Variants in GALNT14 observed in about 807,000 individuals in gnomAD.
GALNT14 encodes polypeptide N-acetylgalactosaminyltransferase 14, also known as UDP-GalNAc:polypeptide N-acetylgalactosaminyltransferase 14.
GALNT14 carries 60 observed loss-of-function variants against 77.5 expected under a neutral mutation model. The observed-to-expected ratio is 0.77, with a 90% CI of 0.63 to 0.96. The LOEUF (loss-of-function observed/expected upper bound fraction) is 0.96. Ranked by LOEUF, GALNT14 falls within the 40% of genes least tolerant of loss-of-function variation. The probability of loss-of-function intolerance (pLI) is 0.00; values close to 1 mark genes in which losing one functional copy is unlikely to be tolerated. For missense variants in GALNT14, 710 were observed against 731.0 expected, an observed-to-expected ratio of 0.97 and a Z score of 0.33; for synonymous variants, 280 against 281.7, an observed-to-expected ratio of 0.99 and a Z score of 0.06.
At chr2:30,895,013 T>C in the GALNT14 span, among the ~76,000 whole-genome samples, 3 of 152,364 alleles carry the variant, frequency 2.0e-5, no homozygotes, top group African/African-American at 7.2e-5. Context: ...ATCAGCTTCA[T>C]GACCCCACAG....
At chr2:31,043,086 C>T (rs1026074651) in intron 1 of GALNT14, among the ~76,000 whole-genome samples, 1 of 152,156 alleles carries the variant, frequency 6.6e-6, no homozygotes, top group Non-Finnish European at 1.5e-5. Context: ...ATACCTGACC[C>T]TTGCTGTTCG....
intron 1 of GALNT14, among the ~76,000 whole-genome samples, chr2:31,018,717 G>A (rs1200690614): frequency 6.6e-6 from 1 of 152,184 alleles, no homozygotes. Context: ...GGCTTCTGGG[G>A]ATGGAAGGAT....
intron 1 of GALNT14, among the ~76,000 whole-genome samples, chr2:31,109,823 A>G (rs56199183): frequency 0.029 from 4,424 of 152,306 alleles, 211 homozygotes; most frequent in African/African-American, 0.1. Flanking sequence ...GCGCCAGGAC[A>G]AGATGAGATG....
chr2:30,939,894 CCTT>C (rs1336424505), intron 9 of GALNT14, among the ~76,000 whole-genome samples: 1 of 152,060 alleles, frequency 6.6e-6, no homozygotes, highest in African/African-American at 2.4e-5. Flanking sequence ...TCAAATTCCT[CCTT>C]CACGCACTCA....
intron 9 of GALNT14, among the ~76,000 whole-genome samples, chr2:30,936,276 G>A (rs1558420640): frequency 6.6e-6 from 1 of 151,906 alleles, no homozygotes; most frequent in Non-Finnish European, 1.5e-5. Context: ...CTTCTACCTG[G>A]CAAGCCCATG....
chr2:31,007,007 G>A (rs1195443206), intron 1 of GALNT14, among the ~76,000 whole-genome samples: 2 of 152,184 alleles, frequency 1.3e-5, no homozygotes, highest in Non-Finnish European at 2.9e-5. Flanking sequence ...TCAAAACTAG[G>A]TCAGCTGCTG....
intron 1 of GALNT14, among the ~76,000 whole-genome samples, chr2:31,063,831 G>A (rs1187209494): frequency 2.6e-5 from 4 of 152,066 alleles, no homozygotes; most frequent in Admixed American, 2.6e-4. Context: ...TTCTGAATGG[G>A]AGTTCACTCA....
intron 1 of GALNT14, among the ~76,000 whole-genome samples, chr2:31,063,339 T>C (rs765995447): frequency 6.6e-6 from 1 of 152,206 alleles, no homozygotes; most frequent in Non-Finnish European, 1.5e-5. Context: ...TTGCTTGTTT[T>C]TGTCAGGTTT....
At chr2:30,908,401 T>C, downstream of GALNT14, among the ~76,000 whole-genome samples, 1 of 147,476 alleles carries the variant, frequency 6.8e-6, no homozygotes, top group Non-Finnish European at 1.5e-5. Flanking sequence ...ACAAGCATTC[T>C]TATACACCAA....
Position 30,945,851 on chromosome 2 carries a change from C to T in GALNT14, c.674G>A (p.Cys225Tyr). The change falls in exon 7 of 15, where the codon TGC becomes TAC. Residue 225 changes from cysteine (C) to tyrosine (Y), a missense_variant. Physicochemically the swap from Cys to Tyr is radical, Grantham distance 194. Coordinates refer to ENST00000349752, the MANE Select transcript of GALNT14 (RefSeq NM_024572.4). ...CAGGTTAATGATATCGATCACAGGGCACACCACCCGCGTGTAGTCCTGTAA... is the reference window on the plus strand; with the variant it reads ...CAGGTTAATGATATCGATCACAGGGTACACCACCCGCGTGTAGTCCTGTAA... Reference protein sequence around the residue: ...RVKEDYTRVVCPVIDIINLDT... With the variant: ...RVKEDYTRVVYPVIDIINLDT... The T allele has an allele frequency of 6.2e-7, 1 of 1,614,144 alleles. No homozygotes were observed. Among genetic ancestry groups the T allele is most frequent in the African/African-American group, 1.3e-5 (1 of 75,044 alleles).
At chr2:30,965,543 TGTTCTGAGGGGA>T (rs2148341119) in intron 3 of GALNT14, among the ~76,000 whole-genome samples, 1 of 152,094 alleles carries the variant, frequency 6.6e-6, no homozygotes, top group African/African-American at 2.4e-5. Context: ...TGCAGGTCTA[TGTTCTGAGGGGA>T]GTTCTGCTAG....
chr2:31,130,783 T>TGTGCGCGCGCGC (rs1181788023), intron 1 of GALNT14, among the ~76,000 whole-genome samples: 1 of 118,634 alleles, frequency 8.4e-6, no homozygotes, highest in African/African-American at 3.7e-5. Context: ...TGTGTGTGTG[T>TGTGCGCGCGCGC]GCGCGCGCAC....
intron 1 of GALNT14, among the ~76,000 whole-genome samples, chr2:31,097,306 A>T (rs1254962860): frequency 6.6e-6 from 1 of 152,138 alleles, no homozygotes; most frequent in Non-Finnish European, 1.5e-5. Context: ...GGTTCCTAGC[A>T]TCCATTGCTA....
chr2:31,101,978 G>A lies in GALNT14; in HGVS notation c.129+35980C>T, dbSNP rs543826172. 8.5e-5 allele frequency among the ~76,000 whole-genome samples: 13 copies of A among 152,126 alleles called. No homozygotes were observed. The South Asian group carries it at 2.7e-3, about 32-fold the overall frequency. On this transcript the variant is annotated intron_variant, in intron 1 of 14. Coordinates refer to ENST00000349752, the MANE Select transcript of GALNT14 (RefSeq NM_024572.4). Reference sequence around the variant, plus strand: ...TGCTGCTTCATGTGAAGAAGGACATGTTTGCTTCCCCTTCCCCCAAGATTG... The same window carrying A: ...TGCTGCTTCATGTGAAGAAGGACATATTTGCTTCCCCTTCCCCCAAGATTG...
chr2:30,980,124 C>T (rs982290498), intron 2 of GALNT14, among the ~76,000 whole-genome samples: 3 of 152,234 alleles, frequency 2.0e-5, no homozygotes, highest in South Asian at 2.1e-4. Flanking sequence ...TGCTCACATG[C>T]CCTGCACCCA....
chr2:31,000,853 C>T (rs1670327140), intron 1 of GALNT14, among the ~76,000 whole-genome samples: 1 of 152,202 alleles, frequency 6.6e-6, no homozygotes, highest in African/African-American at 2.4e-5. Flanking sequence ...TTAACCATCA[C>T]ATCTCCCCTT....
At chr2:30,949,941 G>C (rs1666926275) in intron 6 of GALNT14, among the ~76,000 whole-genome samples, 1 of 152,230 alleles carries the variant, frequency 6.6e-6, no homozygotes, top group Admixed American at 6.5e-5. Context: ...TGTGGGGAAA[G>C]ACAAGGACAG....
At chr2:31,107,170 G>C (rs941320543) in intron 1 of GALNT14, among the ~76,000 whole-genome samples, 1 of 152,184 alleles carries the variant, frequency 6.6e-6, no homozygotes, top group Non-Finnish European at 1.5e-5. Context: ...ATGATCCTTT[G>C]TATAAATGCA....
chr2:30,968,241 T>C (rs981716544), intron 2 of GALNT14, among the ~76,000 whole-genome samples: 2 of 152,194 alleles, frequency 1.3e-5, no homozygotes, highest in East Asian at 3.9e-4. Context: ...AGTCAGGAAG[T>C]GCGTTCCTAG....
Sources: allele counts gnomAD v4.1 joint callset (sites outside exome capture counted in the v4.1 genomes callset), GRCh38; gene constraint gnomAD v4.1.1; transcripts MANE v1.5; gene names NCBI Gene and HGNC (gene_info 2026-07-23, HGNC 2026-07-21).